Variants in NRG3 observed in about 807,000 individuals in gnomAD.
NRG3 encodes pro-neuregulin-3, membrane-bound isoform.
A neutral mutation model predicts 66.9 loss-of-function variants in NRG3; 31 were observed. The ratio of observed to expected loss-of-function variants is 0.46; its 90% confidence interval spans 0.35 to 0.63. The LOEUF is 0.63. Among genes scored for constraint, NRG3 ranks in the 20% least tolerant of loss-of-function variants. The pLI, the probability that NRG3 is intolerant of heterozygous loss-of-function variation, is 0.00. For synonymous variants in NRG3, 393 were observed against 359.4 expected (o/e 1.09, Z -1.06); for missense variants, 910 against 878.9 (o/e 1.04, Z -0.45).
intron 4 of NRG3, among the ~76,000 whole-genome samples, chr10:82,914,785 G>A (rs917367863): frequency 6.7e-6 from 1 of 150,286 alleles, no homozygotes; most frequent in Non-Finnish European, 1.5e-5. Context: ...CCCCTTACAT[G>A]AGACAAGCTA....
chr10:82,684,161 A>T (rs1033472465), intron 2 of NRG3, among the ~76,000 whole-genome samples: 1 of 152,218 alleles, frequency 6.6e-6, no homozygotes, highest in Non-Finnish European at 1.5e-5. Flanking sequence ...ACAGATACGG[A>T]GATTAAAGCA....
intron 2 of NRG3, among the ~76,000 whole-genome samples, chr10:82,555,443 T>G (rs1269435205): frequency 6.6e-6 from 1 of 152,202 alleles, no homozygotes; most frequent in Non-Finnish European, 1.5e-5. Context: ...AAAACTCATT[T>G]TTATACTGTA....
intron 2 of NRG3, among the ~76,000 whole-genome samples, chr10:82,369,860 G>C (rs2084771316): frequency 7.2e-6 from 1 of 138,374 alleles, no homozygotes; most frequent in African/African-American, 3.4e-5. Flanking sequence ...GTCACTCAGT[G>C]CTAGCAGGCT....
chr10:82,884,855 G>A (rs1842601564), intron 4 of NRG3, among the ~76,000 whole-genome samples: 1 of 152,162 alleles, frequency 6.6e-6, no homozygotes, highest in Non-Finnish European at 1.5e-5. Flanking sequence ...TGAAAAGATG[G>A]TAATGTGTAT....
intron 1 of NRG3, among the ~76,000 whole-genome samples, chr10:81,879,232 G>A (rs957278694): frequency 6.6e-6 from 1 of 152,102 alleles, no homozygotes; most frequent in Admixed American, 6.5e-5. Flanking sequence ...TAAACATATC[G>A]CCAGGGGAGA....
intron 1 of NRG3, among the ~76,000 whole-genome samples, chr10:82,343,665 G>C (rs1183064184): frequency 6.6e-6 from 1 of 152,106 alleles, no homozygotes; most frequent in Non-Finnish European, 1.5e-5. Context: ...TTTATACCAT[G>C]AGAGTAGACC....
At chr10:81,882,526 C>A (rs1842271879) in intron 1 of NRG3, among the ~76,000 whole-genome samples, 1 of 152,118 alleles carries the variant, frequency 6.6e-6, no homozygotes, top group African/African-American at 2.4e-5. Context: ...GGAACTGATA[C>A]AATCTCTCTG....
intron 1 of NRG3, among the ~76,000 whole-genome samples, chr10:82,052,390 C>G (rs2063642741): frequency 7.7e-6 from 1 of 130,242 alleles, no homozygotes; most frequent in Non-Finnish European, 1.7e-5. Flanking sequence ...AAAAGACTTA[C>G]AGTGACAGCC....
intron 3 of NRG3, among the ~76,000 whole-genome samples, chr10:82,789,152 A>G (rs1414534032): frequency 6.6e-6 from 1 of 152,096 alleles, no homozygotes; most frequent in African/African-American, 2.4e-5. Flanking sequence ...TATTCTTACC[A>G]ACACTTTTTG....
intron 1 of NRG3, among the ~76,000 whole-genome samples, chr10:82,241,449 C>T (rs1361818124): frequency 1.3e-5 from 2 of 151,832 alleles, no homozygotes; most frequent in Non-Finnish European, 2.9e-5. Context: ...TTTAATTTTT[C>T]CTTCTGTCCT....
At chr10:82,118,946 G>A (rs960960235) in intron 1 of NRG3, among the ~76,000 whole-genome samples, 1 of 152,016 alleles carries the variant, frequency 6.6e-6, no homozygotes, top group African/African-American at 2.4e-5. Context: ...GACACAGTCT[G>A]GCCTCTAGGC....
intron 2 of NRG3, among the ~76,000 whole-genome samples, chr10:82,686,685 G>T (rs981012290): frequency 6.6e-6 from 1 of 152,164 alleles, no homozygotes; most frequent in Non-Finnish European, 1.5e-5. Flanking sequence ...ACGTCGTTAT[G>T]CAGTGCATGA....
At chr10:82,623,316 C>T (rs553229848) in intron 2 of NRG3, among the ~76,000 whole-genome samples, 37 of 152,298 alleles carry the variant, frequency 2.4e-4, no homozygotes, top group Middle Eastern at 3.4e-3. Flanking sequence ...GCTTCTCCAT[C>T]AAGTCATAAA....
intron 1 of NRG3, among the ~76,000 whole-genome samples, chr10:81,934,612 G>T (rs1339229079): frequency 6.6e-6 from 1 of 152,140 alleles, no homozygotes; most frequent in African/African-American, 2.4e-5. Flanking sequence ...TTAGATATAT[G>T]TGGCCTTTTG....
At chr10:82,306,734 A>G (rs2080755470) in intron 1 of NRG3, among the ~76,000 whole-genome samples, 1 of 115,504 alleles carries the variant, frequency 8.7e-6, no homozygotes, top group Non-Finnish European at 1.8e-5. Flanking sequence ...AAAAAAAAAA[A>G]AAGTCTGGCA....
intron 2 of NRG3, among the ~76,000 whole-genome samples, chr10:82,609,528 G>A (rs2048175752): frequency 6.7e-6 from 1 of 149,184 alleles, no homozygotes; most frequent in African/African-American, 2.5e-5. Flanking sequence ...CAATTGAGAA[G>A]ATCACAAAAC....
intron 1 of NRG3, among the ~76,000 whole-genome samples, chr10:82,264,046 A>G (rs768242787): frequency 6.6e-6 from 1 of 152,104 alleles, no homozygotes; most frequent in Non-Finnish European, 1.5e-5. Context: ...AGATGTGATG[A>G]CTGATGCTTA....
At chr10:81,970,070 G>A (rs914399694) in intron 1 of NRG3, among the ~76,000 whole-genome samples, 2 of 152,148 alleles carry the variant, frequency 1.3e-5, no homozygotes, top group Admixed American at 1.3e-4. Context: ...TAGTGATAAT[G>A]TTTGTACCTA....
At chr10:81,880,496 A>C (rs1305095305) in intron 1 of NRG3, among the ~76,000 whole-genome samples, 1 of 152,206 alleles carries the variant, frequency 6.6e-6, no homozygotes. Flanking sequence ...GTGTTGGTGC[A>C]GTTTGAAATC....
Sources: allele counts gnomAD v4.1 joint callset (sites outside exome capture counted in the v4.1 genomes callset), GRCh38; gene constraint gnomAD v4.1.1; transcripts MANE v1.5; gene names NCBI Gene and HGNC (gene_info 2026-07-23, HGNC 2026-07-21).